CNTNAP2: variants seen among roughly 807,000 people sequenced by gnomAD.
CNTNAP2 encodes contactin-associated protein-like 2.
Under a neutral mutation model 155.2 loss-of-function variants are expected in CNTNAP2, and 98 were observed. The ratio of observed to expected loss-of-function variants is 0.63; its 90% CI spans 0.54 to 0.75. The LOEUF (loss-of-function observed/expected upper bound fraction) is 0.75. CNTNAP2 is among the 30% of genes least tolerant of loss of function. CNTNAP2 has a pLI of 0.00. For synonymous variants in CNTNAP2, 651 were observed against 631.2 expected (o/e 1.03, Z -0.47); for missense variants, 1,727 against 1,688.1 (o/e 1.02, Z -0.40).
chr7:146,783,153 T>C (rs960377543), intron 2 of CNTNAP2, among the ~76,000 whole-genome samples: 1 of 152,186 alleles, frequency 6.6e-6, no homozygotes, highest in Non-Finnish European at 1.5e-5. Flanking sequence ...TGTTTTGTTC[T>C]TATTATCTTA....
chr7:146,478,936 C>T (rs964887608), intron 1 of CNTNAP2, among the ~76,000 whole-genome samples: 5 of 151,904 alleles, frequency 3.3e-5, no homozygotes, highest in Non-Finnish European at 7.4e-5. Flanking sequence ...CAAATAGGAC[C>T]GATTATTGAA....
intron 3 of CNTNAP2, among the ~76,000 whole-genome samples, chr7:147,037,401 G>A (rs765343096): frequency 6.8e-6 from 1 of 146,082 alleles, no homozygotes; most frequent in Non-Finnish European, 1.5e-5. Context: ...TTGTTACTTT[G>A]TCCCAAGTTT....
intron 2 of CNTNAP2, among the ~76,000 whole-genome samples, chr7:146,804,727 A>G (rs536746860): frequency 9.2e-5 from 14 of 152,296 alleles, no homozygotes; most frequent in Non-Finnish European, 2.9e-5. Flanking sequence ...CTTACTGCAT[A>G]ATTTTAGAAA....
rs115590322 is a variant in CNTNAP2 at position 146,512,302 on chromosome 7, T to A, written c.98-261969T>A. Among the ~76,000 whole-genome samples, 790 of 152,098 alleles carry A rather than the reference T, an allele frequency of 5.2e-3. 5 individuals carry two copies. The highest frequency in any genetic ancestry group is 0.018 in the African/African-American group (757 of 41,548). On this transcript the variant is annotated intron_variant, in intron 1 of 23. Coordinates refer to ENST00000361727, the MANE Select transcript of CNTNAP2 (RefSeq NM_014141.6). ...GATTTCATTTATTTATTCTCTGAAC[T>A]TTATGATTTCTTGCCTCATACTAAT...
chr7:147,060,496 G>A (rs1393515398), intron 4 of CNTNAP2, among the ~76,000 whole-genome samples: 1 of 152,162 alleles, frequency 6.6e-6, no homozygotes, highest in Non-Finnish European at 1.5e-5. Context: ...GCAAACACAG[G>A]TGGAGCACAA....
At chr7:147,706,525 G>A (rs1796319520) in intron 13 of CNTNAP2, among the ~76,000 whole-genome samples, 1 of 151,978 alleles carries the variant, frequency 6.6e-6, no homozygotes, top group Admixed American at 6.6e-5. Context: ...CCTTATAAGT[G>A]ACTAGATGCT....
At chr7:147,314,444 G>A (rs1188976822) in intron 9 of CNTNAP2, among the ~76,000 whole-genome samples, 1 of 142,012 alleles carries the variant, frequency 7.0e-6, no homozygotes, top group African/African-American at 2.5e-5. Flanking sequence ...AGTTACTATG[G>A]CATCATTCCT....
intron 1 of CNTNAP2, among the ~76,000 whole-genome samples, chr7:146,413,810 A>G (rs940962): frequency 0.036 from 5,412 of 152,270 alleles, 342 homozygotes; most frequent in African/African-American, 0.12. Flanking sequence ...TTAAAAGGAA[A>G]GCACTTTTTA....
intron 1 of CNTNAP2, among the ~76,000 whole-genome samples, chr7:146,573,740 T>C (rs777851829): frequency 2.6e-5 from 4 of 152,306 alleles, no homozygotes; most frequent in Non-Finnish European, 5.9e-5. Context: ...TTCCTGAGCC[T>C]TTAGTGTCAA....
chr7:147,526,968 G>A (rs1799333342), intron 11 of CNTNAP2, among the ~76,000 whole-genome samples: 2 of 143,836 alleles, frequency 1.4e-5, no homozygotes, highest in African/African-American at 5.2e-5. Context: ...TTAACCAATA[G>A]AACAGGTATA....
chr7:146,927,929 GTATA>G lies in CNTNAP2; in HGVS notation c.402+88030_402+88033del, dbSNP rs1158043804. On this transcript the variant is annotated intron_variant, in intron 3 of 23. Transcript: ENST00000361727. ...ATACATATGTATATATAGTTACAGT[GTATA>G]TATAGAGAAAGTTATATAATGTGTG... is the stretch of plus-strand genomic sequence containing the variant. Among the ~76,000 whole-genome samples, 4 of 149,038 alleles carry G rather than the reference GTATA, an allele frequency of 2.7e-5. No homozygotes were observed. In the South Asian group the frequency reaches 6.3e-4, roughly 24 times the overall value.
intron 2 of CNTNAP2, among the ~76,000 whole-genome samples, chr7:146,778,832 C>T (rs1043745673): frequency 2.6e-5 from 4 of 152,288 alleles, no homozygotes; most frequent in Non-Finnish European, 5.9e-5. Context: ...AGAAATCAGT[C>T]CTTTTCTTCT....
In CNTNAP2 at chr7:146,901,717, G is replaced by T. The variant is rs193133251; in HGVS notation, c.402+61813G>T. Among the ~76,000 whole-genome samples, 40 of 152,184 alleles carry T rather than the reference G, an allele frequency of 2.6e-4. No homozygotes were observed. In the Middle Eastern group the frequency reaches 0.014, roughly 52 times the overall value. On this transcript the variant is annotated intron_variant, in intron 3 of 23. Transcript: ENST00000361727. ...CAAAAACTAAAAGACAAAGTCAGTT[G>T]TATTAGATGGCTGGGGAAATATCAG...
At chr7:146,928,401 T>C (rs1408844288) in intron 3 of CNTNAP2, among the ~76,000 whole-genome samples, 1 of 152,186 alleles carries the variant, frequency 6.6e-6, no homozygotes, top group African/African-American at 2.4e-5. Flanking sequence ...CTGGGTGATG[T>C]GTTCATAGGC....
intron 4 of CNTNAP2, among the ~76,000 whole-genome samples, chr7:147,045,660 C>A (rs774632607): frequency 6.6e-6 from 1 of 152,102 alleles, no homozygotes; most frequent in Non-Finnish European, 1.5e-5. Context: ...CCTATGTGGT[C>A]TAGACATTCA....
chr7:147,118,039 A>C (rs972683523), intron 5 of CNTNAP2, among the ~76,000 whole-genome samples: 2 of 152,212 alleles, frequency 1.3e-5, no homozygotes, highest in Non-Finnish European at 2.9e-5. Context: ...CTGCATAATA[A>C]TACCAAGACA....
chr7:147,513,387 G>A (rs571833371), intron 11 of CNTNAP2, among the ~76,000 whole-genome samples: 14 of 152,042 alleles, frequency 9.2e-5, no homozygotes, highest in African/African-American at 3.1e-4. Context: ...GCATGATAAT[G>A]TATTATGAAT....
chr7:147,619,247 G>A (rs1801348468), intron 12 of CNTNAP2, among the ~76,000 whole-genome samples: 1 of 152,210 alleles, frequency 6.6e-6, no homozygotes, highest in South Asian at 2.1e-4. Flanking sequence ...TTTGCTATAT[G>A]CAGTAGTTTC....
rs552703249 is a variant in CNTNAP2 at position 146,866,470 on chromosome 7, G to A, written c.402+26566G>A. Among the ~76,000 whole-genome samples, 8 of 152,118 alleles carry A rather than the reference G, an allele frequency of 5.3e-5. No individual in the cohort carries two copies. The South Asian group carries it at 1.0e-3, about 20-fold the overall frequency. On this transcript the variant is annotated intron_variant, in intron 3 of 23. Coordinates refer to ENST00000361727, the MANE Select transcript of CNTNAP2 (RefSeq NM_014141.6). ...TAACCACTGACACTAAATATGATGT[G>A]CCAAATAAGAAAACAATTAGCAATA...
Sources: allele counts gnomAD v4.1 joint callset (sites outside exome capture counted in the v4.1 genomes callset), GRCh38; gene constraint gnomAD v4.1.1; transcripts MANE v1.5; gene names NCBI Gene and HGNC (gene_info 2026-07-23, HGNC 2026-07-21).